CASK: variants seen among roughly 807,000 people sequenced by gnomAD.
CASK encodes peripheral plasma membrane protein CASK.
CASK carries 4 observed loss-of-function variants against 82.9 expected under a neutral mutation model. That is an observed-to-expected ratio of 0.05 (90% CI 0.02 to 0.11). CASK has a LOEUF of 0.11. Among genes scored for constraint, CASK ranks in the 10% least tolerant of loss-of-function variants. CASK has a pLI of 1.00. For missense variants in CASK, 358 were observed against 720.9 expected, an observed-to-expected ratio of 0.50 and a Z score of 5.76; for synonymous variants, 259 against 253.5, an observed-to-expected ratio of 1.02 and a Z score of -0.20.
chrX:41,869,829 A>AAAAAAAAG, intron 1 of CASK, among the ~76,000 whole-genome samples: 1 of 102,903 alleles, frequency 9.7e-6, no homozygotes, highest in South Asian at 4.4e-4. Context: ...AAAAAAAAAA[A>AAAAAAAAG]AAAAAAAGCC....
At chrX:41,788,761 A>G (rs2069662543) in intron 2 of CASK, among the ~76,000 whole-genome samples, 1 of 112,055 alleles carries the variant, frequency 8.9e-6, no homozygotes, top group Non-Finnish European at 1.9e-5. Context: ...AGACCACAAG[A>G]TTCAGCCAGA....
intron 2 of CASK, among the ~76,000 whole-genome samples, chrX:41,846,442 G>A (rs912869614): frequency 1.1e-4 from 12 of 108,579 alleles, no homozygotes; most frequent in African/African-American, 3.7e-4. Context: ...TAGTTGGGGG[G>A]GCGGGGGGCT....
In CASK at chrX:41,554,354, C is replaced by T. The variant is rs186723853; in HGVS notation, c.1843-439G>A. Among the ~76,000 whole-genome samples, 154 of 111,343 alleles carry T rather than the reference C, an allele frequency of 1.4e-3. 2 individuals carry two copies. Among genetic ancestry groups the T allele is most frequent in the African/African-American group, 4.9e-3 (150 of 30,723 alleles). On this transcript the variant is annotated intron_variant, in intron 20 of 26. Coordinates refer to ENST00000378163, the MANE Select transcript of CASK (RefSeq NM_001367721.1). ...TAGGTTTTAACCCTAAAGCAGCACA[C>T]GATATAAAATTAGCAAGAACTCTGG...
At chrX:41,857,390 C>G (rs1181041946) in intron 1 of CASK, among the ~76,000 whole-genome samples, 3 of 111,113 alleles carry the variant, frequency 2.7e-5, no homozygotes, top group Non-Finnish European at 5.7e-5. Flanking sequence ...TGCTCTATTT[C>G]TAATCATAAG....
intron 5 of CASK, chrX:41,696,090 T>C: frequency 8.3e-7 from 1 of 1,203,434 alleles, no homozygotes; most frequent in Non-Finnish European, 1.1e-6. Flanking sequence ...TTTGGATCGC[T>C]ATATAAAAAT....
At chrX:41,541,905 A>T (rs1177172436) in intron 22 of CASK, among the ~76,000 whole-genome samples, 1 of 111,850 alleles carries the variant, frequency 8.9e-6, no homozygotes, top group African/African-American at 3.2e-5. Context: ...AGTTATTGAA[A>T]ATAACTTCTT....
intron 20 of CASK, among the ~76,000 whole-genome samples, chrX:41,555,178 C>G (rs1168712754): frequency 1.8e-5 from 2 of 112,222 alleles, no homozygotes; most frequent in Non-Finnish European, 3.8e-5. Flanking sequence ...TTTAGAAATA[C>G]ACATGCAAAT....
intron 6 of CASK, among the ~76,000 whole-genome samples, chrX:41,668,091 G>A (rs746932227): frequency 4.1e-4 from 46 of 111,512 alleles, no homozygotes; most frequent in Non-Finnish European, 7.5e-4. Flanking sequence ...TCATTTAATA[G>A]CAATTTCCTA....
intron 2 of CASK, among the ~76,000 whole-genome samples, chrX:41,813,259 A>C (rs1412257865): frequency 9.0e-6 from 1 of 111,636 alleles, no homozygotes; most frequent in Non-Finnish European, 1.9e-5. Flanking sequence ...TTCATATGGA[A>C]CCAAAAAAGA....
intron 1 of CASK, among the ~76,000 whole-genome samples, chrX:41,900,330 T>C (rs890456466): frequency 9.0e-6 from 1 of 111,590 alleles, no homozygotes; most frequent in African/African-American, 3.3e-5. Flanking sequence ...CATTATTTCT[T>C]TAAGCTGTCT....
At chrX:41,733,406 A>C (rs1217298193) in intron 5 of CASK, among the ~76,000 whole-genome samples, 1 of 111,552 alleles carries the variant, frequency 9.0e-6, no homozygotes, top group Non-Finnish European at 1.9e-5. Context: ...CATTATGTTA[A>C]AAAATCTTAT....
In CASK at chrX:41,519,637, G is replaced by A. The variant is rs1478162400; in HGVS notation, c.*783C>T. ...ATAGGTTTACAACTTAGTCATAATAGCATTTTATTCTTATTCCCCTGGGTG... is the reference window on the plus strand; with the variant it reads ...ATAGGTTTACAACTTAGTCATAATAACATTTTATTCTTATTCCCCTGGGTG... On this transcript the variant is annotated 3_prime_UTR_variant, in exon 27 of 27. Coordinates refer to ENST00000378163, the MANE Select transcript of CASK (RefSeq NM_001367721.1). 9.0e-6 allele frequency: 1 copy of A among 110,646 alleles called. No homozygotes were observed. The highest frequency in any genetic ancestry group is 1.9e-5 in the Non-Finnish European group (1 of 52,935). 9.1% of individuals were successfully genotyped at this position (110,646 alleles called of 1,213,427 possible).
At chrX:41,902,740 A>C (rs1417105183) in intron 1 of CASK, among the ~76,000 whole-genome samples, 1 of 112,112 alleles carries the variant, frequency 8.9e-6, no homozygotes, top group Non-Finnish European at 1.9e-5. Context: ...CAGAGAGTAA[A>C]CTGATGTTAG....
In CASK at chrX:41,632,639, A is replaced by G. The variant is rs1452877940; in HGVS notation, c.915+3939T>C. 2.7e-5 allele frequency among the ~76,000 whole-genome samples: 3 copies of G among 112,246 alleles called. No homozygotes were observed. The Admixed American group carries it at 2.9e-4, about 11-fold the overall frequency. Reference sequence around the variant, plus strand: ...GCTATTTACTACTGTACTGGATAGTACAGCTTTATACAGTATTAGAAAATG... The same window carrying G: ...GCTATTTACTACTGTACTGGATAGTGCAGCTTTATACAGTATTAGAAAATG... On this transcript the variant is annotated intron_variant, in intron 9 of 26. Coordinates refer to ENST00000378163, the MANE Select transcript of CASK (RefSeq NM_001367721.1).
chrX:41,745,389 C>T (rs756286983), intron 4 of CASK, 135 bp downstream of exon 4: 2 of 527,335 alleles, frequency 3.8e-6, no homozygotes, highest in Non-Finnish European at 3.4e-6. Flanking sequence ...GTTCTACTAA[C>T]ACATACTAAA....
rs1014860802 is a variant in CASK at position 41,676,451 on chromosome X, T to C, written c.430-4921A>G. On this transcript the variant is annotated intron_variant, in intron 5 of 26. Transcript: ENST00000378163. ...TGCCATGTCATCATATCGCTCAGCCTGCTCGGCCAGTTTGGCCTTCTGAAC... is the reference window on the plus strand; with the variant it reads ...TGCCATGTCATCATATCGCTCAGCCCGCTCGGCCAGTTTGGCCTTCTGAAC... 8 of 1,196,729 alleles carry C rather than the reference T, an allele frequency of 6.7e-6. No individual in the cohort carries two copies. The African/African-American group carries it at 7.0e-5, about 10-fold the overall frequency.
intron 1 of CASK, among the ~76,000 whole-genome samples, chrX:41,911,896 T>C (rs779545963): frequency 2.9e-3 from 325 of 111,429 alleles, no homozygotes; most frequent in Middle Eastern, 9.2e-3. Flanking sequence ...ACTTTTTTTA[T>C]TATACTTTAA....
intron 16 of CASK, among the ~76,000 whole-genome samples, chrX:41,568,247 AAAAAG>A (rs1351165329): frequency 3.3e-4 from 37 of 111,313 alleles, no homozygotes; most frequent in African/African-American, 1.1e-3. Context: ...ATAAAAAACA[AAAAAG>A]AAAAGAAAAA....
chrX:41,854,224 G>GCGCGCACACACA (rs1367817089), intron 1 of CASK, among the ~76,000 whole-genome samples: 2 of 81,718 alleles, frequency 2.4e-5, no homozygotes, highest in African/African-American at 4.6e-5. Context: ...GCGGGCGCGC[G>GCGCGCACACACA]CACACACACA....
Sources: gnomAD v4.1 joint callset for allele counts (sites outside exome capture counted in the v4.1 genomes callset) on GRCh38, gnomAD v4.1.1 for gene constraint, MANE v1.5 for transcripts, NCBI Gene and HGNC (gene_info 2026-07-23, HGNC 2026-07-21) for gene names.